The following AUTS2 variants were observed in gnomAD, a reference collection of about 807,000 sequenced individuals.
AUTS2 encodes activator of transcription and developmental regulator AUTS2, also known as autism susceptibility gene 2 protein.
In AUTS2, 17 loss-of-function variants were observed where a neutral mutation model predicts 112.4. That is an observed-to-expected ratio of 0.15 (90% CI 0.10 to 0.23). AUTS2 has a LOEUF of 0.23. Ranked by LOEUF, AUTS2 falls within the 10% of genes least tolerant of loss-of-function variation. The pLI is 1.00. For missense variants in AUTS2, 1,510 were observed against 1,701.6 expected (o/e 0.89, Z 1.98); for synonymous variants, 751 against 702.7 (o/e 1.07, Z -1.09).
At chr7:70,684,469 G>C (rs1196837610) in intron 5 of AUTS2, among the ~76,000 whole-genome samples, 1 of 152,146 alleles carries the variant, frequency 6.6e-6, no homozygotes, top group East Asian at 1.9e-4. Context: ...GGCCAGTGGA[G>C]GGAGAAACTG....
At chr7:70,036,894 G>A (rs1801028732) in intron 2 of AUTS2, among the ~76,000 whole-genome samples, 1 of 152,154 alleles carries the variant, frequency 6.6e-6, no homozygotes, top group African/African-American at 2.4e-5. Flanking sequence ...GAGGGACAAA[G>A]GATGCAAAAG....
chr7:70,707,004 C>A (rs1809775086), intron 6 of AUTS2, among the ~76,000 whole-genome samples: 1 of 152,144 alleles, frequency 6.6e-6, no homozygotes, highest in Non-Finnish European at 1.5e-5. Flanking sequence ...AGTTAAAACA[C>A]CTTAGAACCA....
intron 5 of AUTS2, among the ~76,000 whole-genome samples, chr7:70,620,172 C>A (rs962501802): frequency 1.3e-5 from 2 of 152,128 alleles, no homozygotes; most frequent in African/African-American, 4.8e-5. Flanking sequence ...ACTGGTACAC[C>A]TCAATTTATA....
chr7:70,220,807 T>G (rs1811439537), intron 4 of AUTS2, among the ~76,000 whole-genome samples: 1 of 152,224 alleles, frequency 6.6e-6, no homozygotes, highest in Admixed American at 6.5e-5. Flanking sequence ...ATTCTTTCTT[T>G]CATGTCTTCT....
intron 5 of AUTS2, among the ~76,000 whole-genome samples, chr7:70,600,848 T>C (rs934516596): frequency 1.1e-4 from 17 of 152,248 alleles, no homozygotes; most frequent in African/African-American, 3.9e-4. Flanking sequence ...GTAACATGTA[T>C]CAGTACTCCA....
intron 2 of AUTS2, among the ~76,000 whole-genome samples, chr7:69,987,200 G>A (rs755064653): frequency 3.3e-5 from 5 of 152,128 alleles, no homozygotes; most frequent in African/African-American, 7.2e-5. Flanking sequence ...CTTGACAATC[G>A]TAGGACATTG....
At chr7:70,146,827 C>A (rs187817032) in intron 4 of AUTS2, among the ~76,000 whole-genome samples, 241 of 152,178 alleles carry the variant, frequency 1.6e-3, no homozygotes, top group African/African-American at 5.7e-3. Context: ...GTACACAGCT[C>A]AATTTTATTA....
At chr7:69,805,928 T>C (rs556616121) in intron 1 of AUTS2, among the ~76,000 whole-genome samples, 4 of 152,298 alleles carry the variant, frequency 2.6e-5, no homozygotes, top group African/African-American at 9.6e-5. Flanking sequence ...AGACAGGGTC[T>C]TACTCTGTTG....
chr7:70,001,250 C>T (rs779782418), intron 2 of AUTS2, among the ~76,000 whole-genome samples: 5 of 152,078 alleles, frequency 3.3e-5, no homozygotes, highest in African/African-American at 4.8e-5. Context: ...TTTAGTCTCT[C>T]GAGTACCTGG....
At chr7:69,737,813 A>C (rs1440635530) in intron 1 of AUTS2, among the ~76,000 whole-genome samples, 1 of 152,166 alleles carries the variant, frequency 6.6e-6, no homozygotes, top group African/African-American at 2.4e-5. Context: ...TTTAAAATTA[A>C]ATTGCAACAG....
At chr7:69,708,550 T>C (rs1798167454) in intron 1 of AUTS2, among the ~76,000 whole-genome samples, 1 of 152,204 alleles carries the variant, frequency 6.6e-6, no homozygotes, top group Non-Finnish European at 1.5e-5. Context: ...ACCTCTCTCA[T>C]GCATGCAAGT....
At chr7:70,038,024 A>G (rs1423089089) in intron 2 of AUTS2, among the ~76,000 whole-genome samples, 2 of 136,676 alleles carry the variant, frequency 1.5e-5, no homozygotes, top group Non-Finnish European at 3.0e-5. Flanking sequence ...GTAGTGAGAG[A>G]TGAAACTAGG....
intron 1 of AUTS2, among the ~76,000 whole-genome samples, chr7:69,602,555 A>G (rs1459647074): frequency 6.6e-6 from 1 of 152,192 alleles, no homozygotes; most frequent in African/African-American, 2.4e-5. Flanking sequence ...CCTCTCCCAC[A>G]TATGATCTCA....
At chr7:70,481,631 C>A (rs1403734778) in intron 5 of AUTS2, among the ~76,000 whole-genome samples, 1 of 152,166 alleles carries the variant, frequency 6.6e-6, no homozygotes, top group African/African-American at 2.4e-5. Context: ...AAAGCACTGT[C>A]AGTAGGTCGG....
intron 2 of AUTS2, among the ~76,000 whole-genome samples, chr7:69,941,870 C>G (rs999325865): frequency 7.9e-5 from 12 of 152,144 alleles, no homozygotes; most frequent in Non-Finnish European, 5.9e-5. Context: ...TAAATGCTAT[C>G]TTCCTGACTC....
At chr7:70,619,382 C>T (rs1008585) in intron 5 of AUTS2, among the ~76,000 whole-genome samples, 55,334 of 151,810 alleles carry the variant, frequency 0.36, 10,537 homozygotes, top group South Asian at 0.57. Flanking sequence ...CAGCCGCTTC[C>T]TTTTTGTGCC....
intron 2 of AUTS2, among the ~76,000 whole-genome samples, chr7:69,928,253 A>G (rs1437864039): frequency 6.6e-6 from 1 of 152,154 alleles, no homozygotes; most frequent in Non-Finnish European, 1.5e-5. Context: ...GGGCCTGGAA[A>G]AAGCACCATT....
At chr7:70,338,704 A>T (rs1791106253) in intron 4 of AUTS2, among the ~76,000 whole-genome samples, 1 of 152,130 alleles carries the variant, frequency 6.6e-6, no homozygotes, top group African/African-American at 2.4e-5. Flanking sequence ...TGGAGAGGAC[A>T]TGTGGTTTCC....
chr7:70,432,653 T>C (rs1170172642), intron 4 of AUTS2, among the ~76,000 whole-genome samples: 1 of 151,874 alleles, frequency 6.6e-6, no homozygotes, highest in Non-Finnish European at 1.5e-5. Context: ...TTTTACAGAG[T>C]GTGTTAGGAG....
Sources: allele counts gnomAD v4.1 joint callset (sites outside exome capture counted in the v4.1 genomes callset), GRCh38; gene constraint gnomAD v4.1.1; transcripts MANE v1.5; gene names NCBI Gene and HGNC (gene_info 2026-07-23, HGNC 2026-07-21).